SMG6: variants seen among roughly 807,000 people sequenced by gnomAD.
SMG6 encodes telomerase-binding protein EST1A.
SMG6 carries 66 observed loss-of-function variants against 142.2 expected under a neutral mutation model. The observed-to-expected ratio is 0.46, with a 90% confidence interval of 0.38 to 0.57. The LOEUF (loss-of-function observed/expected upper bound fraction) is 0.57, where lower values mean the gene tolerates loss of function less well. Among genes scored for constraint, SMG6 ranks in the 20% least tolerant of loss-of-function variants. The pLI, the probability that SMG6 is intolerant of heterozygous loss-of-function variation, is 0.00. For synonymous variants in SMG6, 779 were observed against 702.4 expected (o/e 1.11, Z -1.72); for missense variants, 1,793 against 1,832.0 (o/e 0.98, Z 0.39).
intron 13 of SMG6, among the ~76,000 whole-genome samples, chr17:2,133,755 G>A (rs2070199841): frequency 6.6e-6 from 1 of 152,170 alleles, no homozygotes. Context: ...AGCTTTTTCT[G>A]CAGGTAGGAT....
chr17:2,092,184 C>T (rs746598846), intron 13 of SMG6, among the ~76,000 whole-genome samples: 5 of 152,120 alleles, frequency 3.3e-5, no homozygotes, highest in South Asian at 2.1e-4. Flanking sequence ...CGGGGTTTCG[C>T]CATGTTGGCC....
In SMG6 at chr17:2,198,842, C is replaced by T. The variant is rs561522215; in HGVS notation, c.2870-10327G>A. 6.0e-5 allele frequency among the ~76,000 whole-genome samples: 9 copies of T among 151,254 alleles called. No individual in the cohort carries two copies. The East Asian group carries it at 1.6e-3, about 26-fold the overall frequency. On this transcript the variant is annotated intron_variant, in intron 10 of 18. Coordinates refer to ENST00000263073, the MANE Select transcript of SMG6 (RefSeq NM_017575.5). Reference sequence around the variant, plus strand: ...TGTCCAGATGCTGGAGCCCCTTGTTCTCATCTTCTGCTGCCTGGCCTGAGC... The same window carrying T: ...TGTCCAGATGCTGGAGCCCCTTGTTTTCATCTTCTGCTGCCTGGCCTGAGC...
Position 2,244,770 on chromosome 17 carries a change from C to T in SMG6, c.2662-51G>A, listed in dbSNP as rs764027177. 6 of 1,499,078 alleles carry T rather than the reference C, an allele frequency of 4.0e-6. No individual in the cohort carries two copies. In the African/African-American group the frequency reaches 8.2e-5, roughly 21 times the overall value. The allele number at this position is 1,499,078 out of a possible 1,614,324, so 92.9% of individuals were successfully genotyped here. A position where few individuals can be genotyped will look rare whatever the true frequency, so the allele number is the denominator to read the frequency against. ...AAACAATTAAACTTTCCCCAGTTTC[C>T]TGTTACTGAACAGAGTCCCCAGTGA... is the stretch of plus-strand genomic sequence containing the variant. On this transcript the variant is annotated intron_variant, in intron 8 of 18. Coordinates refer to ENST00000263073, the MANE Select transcript of SMG6 (RefSeq NM_017575.5).
intron 10 of SMG6, among the ~76,000 whole-genome samples, chr17:2,207,489 G>A (rs548698554): frequency 6.6e-5 from 10 of 152,170 alleles, no homozygotes; most frequent in South Asian, 2.1e-4. Context: ...GATCATGAAC[G>A]ATCCATCCAG....
chr17:2,133,403 G>C (rs2070189118), intron 13 of SMG6, among the ~76,000 whole-genome samples: 1 of 152,176 alleles, frequency 6.6e-6, no homozygotes, highest in Non-Finnish European at 1.5e-5. Context: ...TAACAAGTCA[G>C]AGACAATATG....
chr17:2,173,854 T>G (rs2071580632), intron 12 of SMG6, among the ~76,000 whole-genome samples: 1 of 142,534 alleles, frequency 7.0e-6, no homozygotes, highest in African/African-American at 2.8e-5. Context: ...GCTTTTTTTT[T>G]TTTTTTTTTT....
intron 13 of SMG6, among the ~76,000 whole-genome samples, chr17:2,095,553 CCT>C (rs2068833976): frequency 6.6e-6 from 1 of 152,108 alleles, no homozygotes; most frequent in African/African-American, 2.4e-5. Context: ...AAGGAAAATC[CCT>C]GTTTCACTTG....
intron 13 of SMG6, among the ~76,000 whole-genome samples, chr17:2,143,553 T>C (rs1228126845): frequency 2.6e-5 from 4 of 152,100 alleles, no homozygotes; most frequent in Non-Finnish European, 5.9e-5. Flanking sequence ...GAAAGTAAAC[T>C]AGTGGTTGAC....
intron 1 of SMG6, among the ~76,000 whole-genome samples, chr17:2,302,062 G>C (rs2075290680): frequency 1.3e-5 from 2 of 151,042 alleles, no homozygotes; most frequent in African/African-American, 4.9e-5. Context: ...AGATCAGCCT[G>C]GGCAACATGG....
At chr17:2,197,624 T>A (rs988419466) in intron 10 of SMG6, among the ~76,000 whole-genome samples, 15 of 150,778 alleles carry the variant, frequency 9.9e-5, no homozygotes, top group Admixed American at 2.0e-4. Context: ...TCTCAAAACT[T>A]AACAGTAAGA....
chr17:2,129,316 C>G (rs1231610799), intron 13 of SMG6, among the ~76,000 whole-genome samples: 2 of 151,926 alleles, frequency 1.3e-5, no homozygotes, highest in African/African-American at 4.8e-5. Context: ...GGAATAAGAA[C>G]CTATTTTAAA....
At chr17:2,119,131 T>C (rs995135819) in intron 13 of SMG6, among the ~76,000 whole-genome samples, 2 of 150,688 alleles carry the variant, frequency 1.3e-5, no homozygotes, top group Admixed American at 1.3e-4. Context: ...GATCTTGGCT[T>C]ACTGCAACCT....
intron 8 of SMG6, among the ~76,000 whole-genome samples, chr17:2,271,521 C>G (rs1026825090): frequency 5.3e-5 from 8 of 151,792 alleles, no homozygotes; most frequent in African/African-American, 1.9e-4. Flanking sequence ...CGAGACCAGC[C>G]TGGCCAACAC....
intron 9 of SMG6, among the ~76,000 whole-genome samples, chr17:2,238,347 A>G (rs1048455713): frequency 1.3e-5 from 2 of 152,118 alleles, no homozygotes; most frequent in African/African-American, 4.8e-5. Context: ...CCTCCAAAAC[A>G]AAACAAAACT....
At chr17:2,168,122 C>T (rs1363569932) in intron 13 of SMG6, among the ~76,000 whole-genome samples, 1 of 152,116 alleles carries the variant, frequency 6.6e-6, no homozygotes, top group African/African-American at 2.4e-5. Context: ...CCCACTTTGG[C>T]CTTCCAGAAT....
At chr17:2,303,446 C>T (rs1045555384) in intron 1 of SMG6, 187 bp downstream of exon 1, 1 of 1,303,240 alleles carries the variant, frequency 7.7e-7, no homozygotes, top group Non-Finnish European at 9.7e-7. Context: ...CAGGACTGGC[C>T]GAGCCCGACC....
At chr17:2,301,797 G>A (rs1160851935) in intron 1 of SMG6, among the ~76,000 whole-genome samples, 7 of 152,196 alleles carry the variant, frequency 4.6e-5, no homozygotes, top group Non-Finnish European at 7.3e-5. Flanking sequence ...CGCGGAGATC[G>A]CGCCAGTGCA....
rs568118148 is a variant in SMG6 at position 2,282,563 on chromosome 17, T to C, written c.2661+84A>G. ...TGTCTTCCTTGCAATCAGTGGGAAG[T>C]ATCTGTGCCTCACAGCTGTATGAAC... On this transcript the variant is annotated intron_variant, in intron 8 of 18. Transcript: ENST00000263073. 1.4e-5 allele frequency: 19 copies of C among 1,340,290 alleles called. No homozygotes were observed. In the South Asian group the frequency reaches 2.2e-4, roughly 15 times the overall value. The allele number at this position is 1,340,290 out of a possible 1,614,324, so 83.0% of individuals were successfully genotyped here.
chr17:2,114,956 AAATG>A (rs2069457334), intron 13 of SMG6, among the ~76,000 whole-genome samples: 1 of 44,620 alleles, frequency 2.2e-5, no homozygotes, highest in Non-Finnish European at 4.6e-5. Context: ...TAAAATAAAA[AAATG>A]AAATGAAATG....
Sources: gnomAD v4.1 joint callset for allele counts (sites outside exome capture counted in the v4.1 genomes callset) on GRCh38, gnomAD v4.1.1 for gene constraint, MANE v1.5 for transcripts, NCBI Gene and HGNC (gene_info 2026-07-23, HGNC 2026-07-21) for gene names.